The following CCDC42 variants were observed in gnomAD, a reference collection of about 807,000 sequenced individuals.
CCDC42 encodes coiled-coil domain-containing protein 42.
Under a neutral mutation model 40.8 loss-of-function variants are expected in CCDC42, and 38 were observed. The ratio of observed to expected loss-of-function variants is 0.93; its 90% CI spans 0.72 to 1.22. The LOEUF (loss-of-function observed/expected upper bound fraction) is 1.22, where lower values mean the gene tolerates loss of function less well. Among genes scored for constraint, CCDC42 ranks in the 50% most tolerant of loss-of-function variants. The pLI, the probability that CCDC42 is intolerant of heterozygous loss-of-function variation, is 0.00. For synonymous variants in CCDC42, 135 were observed against 157.5 expected (o/e 0.86, Z 1.07); for missense variants, 379 against 416.5 (o/e 0.91, Z 0.78).
At chr17:8,739,750 C>T (rs1335539976) in intron 4 of CCDC42, among the ~76,000 whole-genome samples, 1 of 152,174 alleles carries the variant, frequency 6.6e-6, no homozygotes, top group Non-Finnish European at 1.5e-5. Context: ...ACCATGTTGG[C>T]CACACTGGTG....
chr17:8,742,199 C>T (rs908822024), intron 3 of CCDC42, among the ~76,000 whole-genome samples: 3 of 152,092 alleles, frequency 2.0e-5, no homozygotes, highest in African/African-American at 4.8e-5. Context: ...AGCTGGGAGG[C>T]GAGAATTTTC....
At chr17:8,740,058 G>A (rs748944501) in intron 4 of CCDC42, among the ~76,000 whole-genome samples, 9 of 152,026 alleles carry the variant, frequency 5.9e-5, no homozygotes, top group Non-Finnish European at 8.8e-5. Flanking sequence ...GCATCCTGTC[G>A]CCCCTTCCCT....
Position 8,730,002 on chromosome 17 carries a change from T to G in CCDC42, c.*128A>C. The G allele has an allele frequency of 1.3e-6, 1 of 761,740 alleles. No homozygotes were observed. The highest frequency in any genetic ancestry group is 1.5e-5 in the South Asian group (1 of 67,474). 47.2% of individuals were successfully genotyped at this position (761,740 alleles called of 1,614,324 possible). ...ATAGAGTGAGGCCCACGGGGGAAAA[T>G]AAGCAGGTGTCCCTCAGCAGGAAGG... is the stretch of plus-strand genomic sequence containing the variant. On this transcript the variant is annotated 3_prime_UTR_variant, in exon 7 of 7. Coordinates refer to ENST00000293845, the MANE Select transcript of CCDC42 (RefSeq NM_144681.3).
intron 6 of CCDC42, among the ~76,000 whole-genome samples, chr17:8,734,064 A>G (rs971960591): frequency 6.6e-6 from 1 of 152,196 alleles, no homozygotes; most frequent in Non-Finnish European, 1.5e-5. Flanking sequence ...GGACATGAGC[A>G]CCGGCCTGTC....
At chr17:8,736,338 G>A (rs58558356) in intron 4 of CCDC42, among the ~76,000 whole-genome samples, 13,130 of 152,222 alleles carry the variant, frequency 0.086, 961 homozygotes, top group East Asian at 0.18. Flanking sequence ...GAGAAGCAGG[G>A]ATAGAGAGGG....
Position 8,744,786 on chromosome 17 carries a change from G to C in CCDC42, c.-177C>G, listed in dbSNP as rs112157649. On this transcript the variant is annotated 5_prime_UTR_variant, in exon 1 of 7. Coordinates refer to ENST00000293845, the MANE Select transcript of CCDC42 (RefSeq NM_144681.3). ...AAGGTGGCTGGAGACAGGTTGGGCG[G>C]CTCAGGACGATGTGCTGGGGCAGTT... 751 of 614,294 alleles carry C rather than the reference G, an allele frequency of 1.2e-3. 3 individuals are homozygous for C. In the African/African-American group the frequency reaches 0.013, roughly 10 times the overall value. The allele number at this position is 614,294 out of a possible 1,614,324, so 38.1% of individuals were successfully genotyped here. A position where few individuals can be genotyped will look rare whatever the true frequency, so the allele number is the denominator to read the frequency against.
At chr17:8,733,817 T>C (rs1178275648) in intron 6 of CCDC42, among the ~76,000 whole-genome samples, 2 of 152,024 alleles carry the variant, frequency 1.3e-5, no homozygotes, top group Non-Finnish European at 2.9e-5. Flanking sequence ...TTACAACAGC[T>C]AAGGGCAAGG....
rs2086602483 is a variant in CCDC42 at position 8,735,197 on chromosome 17, T to C, written c.772A>G (p.Thr258Ala). Reference protein sequence around the residue: ...TAAKKTLLLGTIKMATLNLFQ... With the variant: ...TAAKKTLLLGAIKMATLNLFQ... Reference sequence around the variant, plus strand: ...AGGTTCAGCGTGGCCATCTTAATGGTGCCAAGCAGGAGGGTCTTCTTGGCT... The same window carrying C: ...AGGTTCAGCGTGGCCATCTTAATGGCGCCAAGCAGGAGGGTCTTCTTGGCT... The change falls in exon 6 of 7, where the codon ACC becomes GCC. Residue 258 changes from threonine to alanine, a missense_variant. Transcript: ENST00000293845. This position sits in a 1 kb window ranked among gnomAD's most constrained non-coding sequence, Gnocchi z 4.7. 8.7e-6 allele frequency: 14 copies of C among 1,614,158 alleles called. No homozygotes were observed. The East Asian group carries it at 3.1e-4, about 36-fold the overall frequency.
In CCDC42 at chr17:8,730,334, A is replaced by C. The variant is rs2086572602; in HGVS notation, c.874-127T>G. The C allele has an allele frequency of 6.5e-6, 4 of 612,710 alleles. No individual in the cohort carries two copies. The African/African-American group carries it at 7.6e-5, about 12-fold the overall frequency. The allele number at this position is 612,710 out of a possible 1,614,324, so 38.0% of individuals were successfully genotyped here. A position where few individuals can be genotyped will look rare whatever the true frequency, so the allele number is the denominator to read the frequency against. ...CTTTCCTGTGACTGACTTCTTTTTA[A>C]ATTTTTATTTATTTATTTTTTTGAT... is the stretch of plus-strand genomic sequence containing the variant. On this transcript the variant is annotated intron_variant, in intron 6 of 6. Coordinates refer to ENST00000293845, the MANE Select transcript of CCDC42 (RefSeq NM_144681.3).
In CCDC42 at chr17:8,741,647, C is replaced by T. The variant is rs746523334; in HGVS notation, c.319G>A (p.Ala107Thr). Reference sequence around the variant, plus strand: ...CGCTCCTTGTTGGCTTTCTTCATGGCGCGGATCCGTTTCTGGTCGTTCTCC... The same window carrying T: ...CGCTCCTTGTTGGCTTTCTTCATGGTGCGGATCCGTTTCTGGTCGTTCTCC... ...IQENDQKRIR[A>T]MKKANKEREL... The change falls in exon 4 of 7, where the codon GCC becomes ACC. Residue 107 changes from alanine to threonine, a missense_variant. Coordinates refer to ENST00000293845, the MANE Select transcript of CCDC42 (RefSeq NM_144681.3). 19 of 1,613,254 alleles carry T rather than the reference C, an allele frequency of 1.2e-5. No individual in the cohort carries two copies. Among genetic ancestry groups the T allele is most frequent in the African/African-American group, 5.3e-5 (4 of 74,890 alleles).
intron 2 of CCDC42, 80 bp downstream of exon 2, chr17:8,743,999 G>T: frequency 1.8e-6 from 2 of 1,113,674 alleles, no homozygotes; most frequent in Non-Finnish European, 2.6e-6. Flanking sequence ...GACAATGGAG[G>T]GCTGTCCACA....
chr17:8,741,302 T>C (rs1399295649), intron 4 of CCDC42, among the ~76,000 whole-genome samples, 172 bp downstream of exon 4: 1 of 152,192 alleles, frequency 6.6e-6, no homozygotes, highest in Non-Finnish European at 1.5e-5. Flanking sequence ...CCCCCAGGGC[T>C]GGGTGCATCT....
In CCDC42 at chr17:8,735,111, G is replaced by T. The variant is rs555423216; in HGVS notation, c.858C>A (p.His286Gln). 1 of 1,614,194 alleles carries T rather than the reference G, an allele frequency of 6.2e-7. No individual in the cohort carries two copies. Among genetic ancestry groups the T allele is most frequent in the African/African-American group, 1.3e-5 (1 of 75,056 alleles). ...EVTEVALEDTHKQLDMIQQFI... is the reference protein window; with the variant it reads ...EVTEVALEDTQKQLDMIQQFI... ...CTCCTCCTACCATGTCCAGCTGCTT[G>T]TGGGTGTCCTCCAGTGCCACCTCAG... The change falls in exon 6 of 7, where the codon CAC becomes CAA. Residue 286 changes from histidine (H) to glutamine (Q), a missense_variant. Physicochemically the swap from His to Gln is conservative, Grantham distance 24. Coordinates refer to ENST00000293845, the MANE Select transcript of CCDC42 (RefSeq NM_144681.3). This position sits in a 1 kb window ranked among gnomAD's most constrained non-coding sequence, Gnocchi z 4.7.
chr17:8,743,837 A>G, intron 2 of CCDC42, 107 bp from the exon 3 acceptor site: 1 of 730,658 alleles, frequency 1.4e-6, no homozygotes, highest in African/African-American at 1.8e-5. Flanking sequence ...CAGGCCCAAG[A>G]GGGTCCATAG....
Position 8,735,277 on chromosome 17 carries a change from G to T in CCDC42, c.715-23C>A. 6.2e-7 allele frequency: 1 copy of T among 1,614,042 alleles called. No homozygotes were observed. Among genetic ancestry groups the T allele is most frequent in the South Asian group, 1.1e-5 (1 of 91,068 alleles). Reference sequence around the variant, plus strand: ...TTCCTGGAGAGTGGATAAGGACGGGGCATGAGCACAGCATGTGGTGTGTGT... The same window carrying T: ...TTCCTGGAGAGTGGATAAGGACGGGTCATGAGCACAGCATGTGGTGTGTGT... On this transcript the variant is annotated intron_variant, in intron 5 of 6. Coordinates refer to ENST00000293845, the MANE Select transcript of CCDC42 (RefSeq NM_144681.3). This position sits in a 1 kb window ranked among gnomAD's most constrained non-coding sequence, Gnocchi z 4.7.
At chr17:8,741,373 G>A in intron 4 of CCDC42, 101 bp downstream of exon 4, 1 of 1,220,166 alleles carries the variant, frequency 8.2e-7, no homozygotes, top group African/African-American at 1.5e-5. Context: ...ACAGTCCCCA[G>A]CCAGCTGAGC....
chr17:8,735,544 T>G lies in CCDC42; in HGVS notation c.560A>C (p.Gln187Pro). The part of the protein sequence containing the change: ...TLVSMRHDLM[Q>P]SAQEGQEKIE... ...CTTCTCCTGGCCTTCCTGCGCAGAC[T>G]GCATGAGGTCGTGGCGCATGCTCAC... The change falls in exon 5 of 7, where the codon CAG (glutamine) becomes CCG (proline). Residue 187 changes from glutamine to proline, a missense_variant. Physicochemically the swap from Gln to Pro is moderately conservative, Grantham distance 76. Coordinates refer to ENST00000293845, the MANE Select transcript of CCDC42 (RefSeq NM_144681.3). This position sits in a 1 kb window ranked among gnomAD's most constrained non-coding sequence, Gnocchi z 4.7. 6.2e-7 allele frequency: 1 copy of G among 1,614,132 alleles called. No individual in the cohort carries two copies. Among genetic ancestry groups the G allele is most frequent in the South Asian group, 1.1e-5 (1 of 91,084 alleles).
Position 8,744,558 on chromosome 17 carries a change from G to A in CCDC42, c.52C>T (p.Gln18Ter). Residue 18 changes from glutamine to a stop codon, truncating the protein, a stop_gained, in exon 1 of 7, where the codon CAG becomes TAG. Coordinates refer to ENST00000293845, the MANE Select transcript of CCDC42 (RefSeq NM_144681.3). LOFTEE classifies it high-confidence loss of function. ...ATCTGCAGCAGCCGCTCCCCATACT[G>A]CAGCCGGAAGTACTCGGCCAGGTCT... ...EEDLAEYFRL[Q>*]YGERLLQMLQ... 6.2e-7 allele frequency: 1 copy of A among 1,612,450 alleles called. No individual in the cohort carries two copies. Among genetic ancestry groups the A allele is most frequent in the Non-Finnish European group, 8.5e-7 (1 of 1,179,988 alleles).
intron 2 of CCDC42, 107 bp from the exon 3 acceptor site, chr17:8,743,837 A>AG: frequency 1.4e-6 from 1 of 730,658 alleles, no homozygotes; most frequent in East Asian, 2.7e-5. Context: ...CAGGCCCAAG[A>AG]GGGTCCATAG....
Sources: allele counts gnomAD v4.1 joint callset (sites outside exome capture counted in the v4.1 genomes callset), GRCh38; gene constraint gnomAD v4.1.1; non-coding constraint Gnocchi (gnomAD v3.1); transcripts MANE v1.5; gene names NCBI Gene and HGNC (gene_info 2026-07-23, HGNC 2026-07-21).